ZNF493: variants seen among roughly 807,000 people sequenced by gnomAD.
ZNF493 encodes the protein zinc finger protein 493.
ZNF493 carries 11 observed loss-of-function variants against 12.2 expected under a neutral mutation model. The observed-to-expected ratio is 0.90, with a 90% confidence interval of 0.57 to 1.50. The LOEUF is 1.50. ZNF493 is among the 40% of genes most tolerant of loss of function. The pLI is 0.00. For synonymous variants in ZNF493, 286 were observed against 302.6 expected, an observed-to-expected ratio of 0.95 and a Z score of 0.57; for missense variants, 950 against 906.6, an observed-to-expected ratio of 1.05 and a Z score of -0.61.
intron 3 of ZNF493, among the ~76,000 whole-genome samples, chr19:21,418,480 A>G (rs1191967346): frequency 2.0e-5 from 3 of 152,094 alleles, no homozygotes; most frequent in Non-Finnish European, 4.4e-5. Flanking sequence ...TTCTCCAACC[A>G]TCACTCCACT....
chr19:21,401,519 G>C (rs1306751283), intron 1 of ZNF493, among the ~76,000 whole-genome samples: 1 of 152,008 alleles, frequency 6.6e-6, no homozygotes, highest in Non-Finnish European at 1.5e-5. Context: ...AATAATCTTA[G>C]TAGGAGTGGT....
rs17618778 is a variant in ZNF493, at chr19:21,425,308, C to T, written c.*324C>T. ...TGTGACAAAGCTTTTAACCACTTCT[C>T]AACCCTGCCTACACGTAAGATAATT... is the stretch of plus-strand genomic sequence containing the variant. On this transcript the variant is annotated 3_prime_UTR_variant, in exon 4 of 4. Transcript: ENST00000392288. 102,793 of 443,090 alleles carry T rather than the reference C, an allele frequency of 0.23. 13,125 individuals carry two copies. Among genetic ancestry groups the T allele is most frequent in the Non-Finnish European group, 0.27 (63,047 of 230,100 alleles). 27.4% of individuals were successfully genotyped at this position (443,090 alleles called of 1,614,324 possible).
chr19:21,407,817 T>C (rs1264592714), intron 3 of ZNF493: 3 of 985,268 alleles, frequency 3.0e-6, no homozygotes, highest in African/African-American at 1.7e-5. Context: ...AAGAATTCTT[T>C]TTTCATTATT....
At chr19:21,398,212 AT>A (rs1974203988) in intron 1 of ZNF493, 1 of 152,550 alleles carries the variant, frequency 6.6e-6, no homozygotes, top group East Asian at 1.9e-4. Flanking sequence ...AATTCACATT[AT>A]CGCCTATTTG....
chr19:21,418,878 T>G (rs577355910), intron 3 of ZNF493, among the ~76,000 whole-genome samples: 3 of 152,272 alleles, frequency 2.0e-5, no homozygotes, highest in African/African-American at 7.2e-5. Flanking sequence ...AGGTGTTCCT[T>G]GCCCTCATTC....
intron 1 of ZNF493, among the ~76,000 whole-genome samples, chr19:21,399,343 G>T (rs1369772293): frequency 1.3e-5 from 2 of 151,248 alleles, no homozygotes; most frequent in Non-Finnish European, 2.9e-5. Context: ...TGTGTTTTTA[G>T]TAGAGACAGG....
intron 3 of ZNF493, chr19:21,411,932 T>A (rs1236276074): frequency 2.0e-5 from 3 of 152,050 alleles, no homozygotes; most frequent in South Asian, 4.1e-4. Context: ...ATGGACATCT[T>A]CAAAATATTT....
chr19:21,404,740 C>T lies in ZNF493; in HGVS notation c.31-389C>T, dbSNP rs551755232. Among the ~76,000 whole-genome samples the T allele has an allele frequency of 3.3e-5, 5 of 151,522 alleles. No individual in the cohort carries two copies. The South Asian group carries it at 6.3e-4, about 19-fold the overall frequency. On this transcript the variant is annotated intron_variant, in intron 1 of 3. Transcript: ENST00000392288. The stretch of plus-strand genomic sequence containing the variant: ...TGGGAAAAAAGAATCTGCACAAGAT[C>T]TCCAGTTTACTGTTCACATTAAAAC...
chr19:21,417,996 C>G (rs1386398932), intron 3 of ZNF493, among the ~76,000 whole-genome samples: 2 of 152,128 alleles, frequency 1.3e-5, no homozygotes, highest in African/African-American at 2.4e-5. Flanking sequence ...AATATTTCAC[C>G]ATTGATCTGG....
chr19:21,407,137 C>G (rs182585345), intron 3 of ZNF493, among the ~76,000 whole-genome samples: 1 of 152,144 alleles, frequency 6.6e-6, no homozygotes, highest in Admixed American at 6.5e-5. Flanking sequence ...CACTTGAGTT[C>G]AGGAGTTCGA....
chr19:21,418,814 C>CT (rs1014184111), intron 3 of ZNF493, among the ~76,000 whole-genome samples: 15 of 152,062 alleles, frequency 9.9e-5, no homozygotes, highest in East Asian at 5.8e-4. Flanking sequence ...CAGGAGCATG[C>CT]TTTTTTTTGT....
chr19:21,411,589 G>T (rs551721774), intron 3 of ZNF493, among the ~76,000 whole-genome samples: 1 of 151,788 alleles, frequency 6.6e-6, no homozygotes. Flanking sequence ...GTGTGGTGGC[G>T]TGCGCCTGTA....
In ZNF493 at chr19:21,424,281, G is replaced by C; in HGVS notation, c.1622G>C (p.Gly541Ala). 6.2e-7 allele frequency: 1 copy of C among 1,607,472 alleles called. No homozygotes were observed. The highest frequency in any genetic ancestry group is 1.1e-5 in the South Asian group (1 of 90,752). Residue 541 changes from glycine (G) to alanine (A), a missense_variant, in exon 4 of 4, where the codon GGA becomes GCA. Coordinates refer to ENST00000392288, the MANE Select transcript of ZNF493 (RefSeq NM_001076678.3). ...ACTATACATAAAATGATTCACACTG[G>C]AGAAAAACCCTACAAATGTGAAGAA... is the stretch of plus-strand genomic sequence containing the variant. ...TLTIHKMIHT[G>A]EKPYKCEECG...
intron 3 of ZNF493, 27 bp from the exon 4 acceptor site, chr19:21,422,886 G>T: frequency 1.3e-6 from 2 of 1,515,450 alleles, no homozygotes; most frequent in South Asian, 2.8e-5. Flanking sequence ...AGTAAGTGGA[G>T]TAATTTGATA....
chr19:21,418,244 C>T (rs1050349453), intron 3 of ZNF493, among the ~76,000 whole-genome samples: 4 of 152,168 alleles, frequency 2.6e-5, no homozygotes, highest in Non-Finnish European at 2.9e-5. Context: ...CCTCTCCCTC[C>T]TGTGCCTCTT....
intron 3 of ZNF493, among the ~76,000 whole-genome samples, chr19:21,414,896 T>C (rs1479620307): frequency 6.6e-6 from 1 of 152,218 alleles, no homozygotes; most frequent in Non-Finnish European, 1.5e-5. Flanking sequence ...AACAGTTTTG[T>C]TTTAGGAAAA....
At chr19:21,411,735 T>A (rs2145285740) in intron 3 of ZNF493, among the ~76,000 whole-genome samples, 1 of 150,760 alleles carries the variant, frequency 6.6e-6, no homozygotes, top group East Asian at 2.0e-4. Flanking sequence ...AAAAAAAAGT[T>A]AATGTTTTTG....
In ZNF493 at chr19:21,397,245, G is replaced by C; in HGVS notation, c.8G>C (p.Gly3Ala). Residue 3 changes from glycine to alanine, a missense_variant, in exon 1 of 4, where the codon GGA (glycine) becomes GCA (alanine). By Grantham distance (60) the Gly-to-Ala change is moderately conservative (BLOSUM62 0). Transcript: ENST00000392288. Reference protein sequence around the residue: MPGPPESLDMGPL... With the variant: MPAPPESLDMGPL... ...GGGAAATCCATAGCTAAGATGCCAG[G>C]ACCCCCTGAAAGCCTAGACATGGTG... The C allele has an allele frequency of 6.2e-7, 1 of 1,614,214 alleles. No individual in the cohort carries two copies. Among genetic ancestry groups the C allele is most frequent in the Non-Finnish European group, 8.5e-7 (1 of 1,180,026 alleles).
rs199996804 is a variant in ZNF493, at chr19:21,399,714, G to GT, written c.30+2455dup. Among the ~76,000 whole-genome samples, 1,097 of 151,830 alleles carry GT rather than the reference G, an allele frequency of 7.2e-3. 12 individuals are homozygous for GT. The highest frequency in any genetic ancestry group is 0.025 in the African/African-American group (1,020 of 41,406). On this transcript the variant is annotated intron_variant, in intron 1 of 3. Transcript: ENST00000392288. ...TGAGTTTTTGAATTTTCTCAGGTGT[G>GT]TTTTTTTTATAGCTGGGTGATTTCA...
Sources: gnomAD v4.1 joint callset for allele counts (sites outside exome capture counted in the v4.1 genomes callset) on GRCh38, gnomAD v4.1.1 for gene constraint, MANE v1.5 for transcripts, NCBI Gene and HGNC (gene_info 2026-07-23, HGNC 2026-07-21) for gene names.